LRRC4C: variants seen among roughly 807,000 people sequenced by gnomAD.
LRRC4C encodes leucine rich repeat containing 4C.
LRRC4C carries 5 observed loss-of-function variants against 33.6 expected under a neutral mutation model. The observed-to-expected ratio is 0.15, with a 90% CI of 0.08 to 0.31. The LOEUF (loss-of-function observed/expected upper bound fraction) is 0.31, where lower values mean the gene tolerates loss of function less well. Ranked by LOEUF, LRRC4C falls within the 10% of genes least tolerant of loss-of-function variation. The pLI is 1.00. For missense variants in LRRC4C, 560 were observed against 796.7 expected, an observed-to-expected ratio of 0.70 and a Z score of 3.58; for synonymous variants, 329 against 302.0, an observed-to-expected ratio of 1.09 and a Z score of -0.93.
chr11:40,200,475 G>A (rs536176252), intron 5 of LRRC4C, among the ~76,000 whole-genome samples: 1 of 151,978 alleles, frequency 6.6e-6, no homozygotes, highest in East Asian at 1.9e-4. Context: ...GTAATTCTCT[G>A]ACTTTCCCCA....
intron 1 of LRRC4C, among the ~76,000 whole-genome samples, chr11:41,012,345 G>A (rs1461951278): frequency 6.6e-6 from 1 of 152,042 alleles, no homozygotes; most frequent in Non-Finnish European, 1.5e-5. Context: ...TTGTTATTCT[G>A]TGCTTGGCTT....
intron 5 of LRRC4C, among the ~76,000 whole-genome samples, chr11:40,173,676 A>G (rs1860233010): frequency 6.6e-6 from 1 of 152,186 alleles, no homozygotes; most frequent in South Asian, 2.1e-4. Context: ...TGCCTAGATG[A>G]TCATACCTGT....
intron 2 of LRRC4C, among the ~76,000 whole-genome samples, chr11:40,677,622 G>T (rs1177911521): frequency 6.6e-6 from 1 of 152,134 alleles, no homozygotes; most frequent in Non-Finnish European, 1.5e-5. Context: ...ATGGATTATT[G>T]CTGACTCCAG....
rs183459392 is a variant in LRRC4C at position 41,175,184 on chromosome 11, T to C, written c.-495-241461A>G. ...TGTGATTCCTGCAACTTCTCTCAGT[T>C]AGATTCCTCCAGCAGCCTTGAAACT... On this transcript the variant is annotated intron_variant, in intron 1 of 6. Coordinates refer to ENST00000528697, the MANE Select transcript of LRRC4C (RefSeq NM_001258419.2). Among the ~76,000 whole-genome samples, 1,119 of 152,218 alleles carry C rather than the reference T, an allele frequency of 7.4e-3. 11 individuals are homozygous for C. Among genetic ancestry groups the C allele is most frequent in the Non-Finnish European group, 0.011 (718 of 68,012 alleles).
chr11:41,362,204 C>A (rs543062500), intron 1 of LRRC4C, among the ~76,000 whole-genome samples: 83 of 152,248 alleles, frequency 5.5e-4, no homozygotes, highest in African/African-American at 2.0e-3. Context: ...GATCTCACAA[C>A]CCTTTCATTA....
intron 3 of LRRC4C, among the ~76,000 whole-genome samples, chr11:40,618,530 T>C (rs1419918401): frequency 6.6e-6 from 1 of 151,748 alleles, no homozygotes; most frequent in East Asian, 1.9e-4. Flanking sequence ...AAAACTAATA[T>C]ACTATGCAAT....
At chr11:40,777,499 GTTTTT>G (rs57851988) in intron 2 of LRRC4C, among the ~76,000 whole-genome samples, 1 of 137,638 alleles carries the variant, frequency 7.3e-6, no homozygotes, top group Admixed American at 7.2e-5. Context: ...CTTTTTTACT[GTTTTT>G]TTTTTTTTTT....
intron 1 of LRRC4C, among the ~76,000 whole-genome samples, chr11:41,040,016 T>C (rs1857332021): frequency 6.6e-6 from 1 of 151,374 alleles, no homozygotes; most frequent in South Asian, 2.1e-4. Flanking sequence ...CGGACCCCTG[T>C]AGTCACAGCT....
chr11:41,055,574 A>T (rs925712690), intron 1 of LRRC4C, among the ~76,000 whole-genome samples: 7 of 152,118 alleles, frequency 4.6e-5, no homozygotes, highest in African/African-American at 1.7e-4. Flanking sequence ...GCATCTTTTC[A>T]GTTCCTAATG....
chr11:40,125,662 A>G (rs547734038), intron 6 of LRRC4C, among the ~76,000 whole-genome samples: 1 of 152,270 alleles, frequency 6.6e-6, no homozygotes, highest in South Asian at 2.1e-4. Context: ...AAAGGAAACA[A>G]GTTAAGGTAA....
chr11:40,444,908 T>A (rs1307970743), intron 3 of LRRC4C, among the ~76,000 whole-genome samples: 8 of 152,208 alleles, frequency 5.3e-5, no homozygotes, highest in Admixed American at 5.2e-4. Flanking sequence ...TTACGTAAGG[T>A]ACAAAGGGAA....
intron 3 of LRRC4C, among the ~76,000 whole-genome samples, chr11:40,392,265 G>A (rs886856945): frequency 4.6e-5 from 7 of 151,966 alleles, no homozygotes; most frequent in Non-Finnish European, 7.4e-5. Context: ...TTAGCAAAAC[G>A]TATATAATAT....
At chr11:40,769,136 C>T (rs973792754) in intron 2 of LRRC4C, among the ~76,000 whole-genome samples, 1 of 151,756 alleles carries the variant, frequency 6.6e-6, no homozygotes, top group Non-Finnish European at 1.5e-5. Context: ...AGTGAAGTTG[C>T]AGGATACAAA....
At chr11:40,130,663 T>TG (rs1856585936) in intron 6 of LRRC4C, among the ~76,000 whole-genome samples, 1 of 152,156 alleles carries the variant, frequency 6.6e-6, no homozygotes, top group East Asian at 1.9e-4. Flanking sequence ...AAATGTCCCC[T>TG]GGGGGGCAAA....
In LRRC4C at chr11:40,115,822, G is replaced by A. The variant is rs1054132959; in HGVS notation, c.471C>T (p.Asn157=). The A allele has an allele frequency of 3.7e-6, 6 of 1,614,046 alleles. No homozygotes were observed. The African/African-American group carries it at 8.0e-5, about 22-fold the overall frequency. ...AAGAAGGGATGCTTTCAATGGGGTT[G>A]TTTCGCAACCAGAGCTCCTTCAGTT... ...LSKLKELWLR[N]NPIESIPSYA... Residue 157 remains asparagine, a synonymous_variant, in exon 7 of 7, where the codon AAC becomes AAT. Coordinates refer to ENST00000528697, the MANE Select transcript of LRRC4C (RefSeq NM_001258419.2). This position sits in a 1 kb window ranked among gnomAD's most constrained non-coding sequence, Gnocchi z 6.7.
chr11:40,201,692 G>C (rs1862764557), intron 5 of LRRC4C, among the ~76,000 whole-genome samples: 1 of 152,122 alleles, frequency 6.6e-6, no homozygotes, highest in African/African-American at 2.4e-5. Context: ...AACAATACCT[G>C]CTTTAAGGCT....
intron 1 of LRRC4C, among the ~76,000 whole-genome samples, chr11:41,209,644 CAAA>C (rs34559903): frequency 8.6e-6 from 1 of 115,656 alleles, no homozygotes. Context: ...GACTCTGTCT[CAAA>C]AAAAAAAAAA....
intron 2 of LRRC4C, among the ~76,000 whole-genome samples, chr11:40,898,305 G>A (rs1186054995): frequency 8.3e-6 from 1 of 120,350 alleles, no homozygotes; most frequent in Non-Finnish European, 1.6e-5. Flanking sequence ...GGTGGGCAGA[G>A]AACGCACCAT....
chr11:40,874,831 A>T (rs1954811127), intron 2 of LRRC4C, among the ~76,000 whole-genome samples: 1 of 152,194 alleles, frequency 6.6e-6, no homozygotes, highest in African/African-American at 2.4e-5. Flanking sequence ...TGGAATATGG[A>T]CTGCTAGCAG....
Sources: allele counts gnomAD v4.1 joint callset (sites outside exome capture counted in the v4.1 genomes callset), GRCh38; gene constraint gnomAD v4.1.1; non-coding constraint Gnocchi (gnomAD v3.1); transcripts MANE v1.5; gene names NCBI Gene and HGNC (gene_info 2026-07-23, HGNC 2026-07-21).